Variants in PRELID2 observed in about 807,000 individuals in gnomAD.
PRELID2 encodes PRELI domain-containing protein 2.
PRELID2 carries 25 observed loss-of-function variants against 28.4 expected under a neutral mutation model. That is an observed-to-expected ratio of 0.88 (90% CI 0.64 to 1.23). The LOEUF (loss-of-function observed/expected upper bound fraction) is 1.23, where lower values mean the gene tolerates loss of function less well. Ranked by LOEUF, PRELID2 falls within the 50% of genes most tolerant of loss-of-function variation. The pLI is 0.00. For synonymous variants in PRELID2, 76 were observed against 71.6 expected (o/e 1.06, Z -0.31); for missense variants, 201 against 214.4 (o/e 0.94, Z 0.39).
intron 1 of PRELID2, among the ~76,000 whole-genome samples, chr5:145,741,120 T>A (rs1756706923): frequency 1.7e-5 from 2 of 116,906 alleles, no homozygotes; most frequent in Admixed American, 2.0e-4. Context: ...CATATAAATA[T>A]ATAATATATA....
intron 1 of PRELID2, among the ~76,000 whole-genome samples, chr5:145,586,841 A>G (rs1753159782): frequency 1.3e-5 from 2 of 152,192 alleles, no homozygotes; most frequent in Non-Finnish European, 2.9e-5. Flanking sequence ...ATAGATGGTT[A>G]TAAAGCCAGG....
chr5:145,810,447 T>C (rs1407254506), intron 4 of PRELID2, among the ~76,000 whole-genome samples: 1 of 152,214 alleles, frequency 6.6e-6, no homozygotes, highest in Non-Finnish European at 1.5e-5. Flanking sequence ...CCCTGAATAC[T>C]ATTCTTTCCA....
intron 1 of PRELID2, among the ~76,000 whole-genome samples, chr5:145,651,968 G>A (rs1002614598): frequency 2.0e-5 from 3 of 152,162 alleles, no homozygotes; most frequent in Non-Finnish European, 4.4e-5. Flanking sequence ...GCTAAAGGAG[G>A]AAGTTTGAAC....
At chr5:145,452,961 C>T in the PRELID2 span, among the ~76,000 whole-genome samples, 1 of 152,136 alleles carries the variant, frequency 6.6e-6, no homozygotes, top group Non-Finnish European at 1.5e-5. Flanking sequence ...GAATGAAGTA[C>T]AGCTATGAAG....
chr5:145,253,118 C>G, the PRELID2 span, among the ~76,000 whole-genome samples: 1 of 152,024 alleles, frequency 6.6e-6, no homozygotes, highest in Non-Finnish European at 1.5e-5. Context: ...AGTTGGCAAC[C>G]AACTTAGTAT....
At chr5:145,795,838 G>C (rs1263648191) in intron 5 of PRELID2, 2 of 152,208 alleles carry the variant, frequency 1.3e-5, no homozygotes, top group East Asian at 3.9e-4. Flanking sequence ...TACCATAGAG[G>C]ACAGATTAAA....
chr5:145,620,157 C>G (rs566350022), intron 1 of PRELID2, among the ~76,000 whole-genome samples: 1 of 152,112 alleles, frequency 6.6e-6, no homozygotes, highest in African/African-American at 2.4e-5. Context: ...TATTTGTAGT[C>G]GCCCTAAATT....
At chr5:145,648,987 G>C (rs1754242910) in intron 1 of PRELID2, among the ~76,000 whole-genome samples, 1 of 151,978 alleles carries the variant, frequency 6.6e-6, no homozygotes, top group Non-Finnish European at 1.5e-5. Context: ...ACCTATCAAA[G>C]CATTTTGTTT....
At chr5:145,741,227 TAATATATAATATA>T (rs1561567410) in intron 1 of PRELID2, among the ~76,000 whole-genome samples, 1 of 68,000 alleles carries the variant, frequency 1.5e-5, no homozygotes, top group Non-Finnish European at 2.7e-5. Flanking sequence ...AATATATATA[TAATATATAATATA>T]AATATATAAT....
At chr5:145,770,423 G>C (rs1025657040) in intron 5 of PRELID2, among the ~76,000 whole-genome samples, 10 of 152,094 alleles carry the variant, frequency 6.6e-5, no homozygotes, top group African/African-American at 2.2e-4. Context: ...AGGATCACTT[G>C]AGTTCAGGAG....
intron 1 of PRELID2, among the ~76,000 whole-genome samples, chr5:145,554,824 A>C (rs1349575391): frequency 6.6e-6 from 1 of 152,228 alleles, no homozygotes; most frequent in Non-Finnish European, 1.5e-5. Context: ...TTACATTTCC[A>C]GTTTCTGAAG....
At position 145,757,714 on chromosome 5, in the gene PRELID2, C is replaced by A. The variant is rs535219750; in HGVS notation, c.*2822G>T. Among the ~76,000 whole-genome samples, 45 of 151,042 alleles carry A rather than the reference C, an allele frequency of 3.0e-4. No individual in the cohort carries two copies. Among genetic ancestry groups the A allele is most frequent in the African/African-American group, 1.0e-3 (41 of 41,094 alleles). On this transcript the variant is annotated 3_prime_UTR_variant, in exon 7 of 7. Coordinates refer to ENST00000683046, the MANE Select transcript of PRELID2 (RefSeq NM_205846.3). ...CAGTGGCTCAAGCCTGTAATCCCAG[C>A]ACTTTGGGAGGCAGAGGCAGAGGCA...
At chr5:145,793,714 C>A (rs116249232) in intron 5 of PRELID2, among the ~76,000 whole-genome samples, 2,100 of 152,200 alleles carry the variant, frequency 0.014, 44 homozygotes, top group African/African-American at 0.048. Context: ...TCATCAGAAA[C>A]CAACTGTGAA....
the PRELID2 span, among the ~76,000 whole-genome samples, chr5:145,360,815 CTAT>C: frequency 6.6e-6 from 1 of 152,068 alleles, no homozygotes; most frequent in African/African-American, 2.4e-5. Context: ...CTTTATGATA[CTAT>C]TATAATAATT....
intron 1 of PRELID2, among the ~76,000 whole-genome samples, chr5:145,589,319 C>A (rs1186938706): frequency 6.6e-6 from 1 of 152,128 alleles, no homozygotes; most frequent in Non-Finnish European, 1.5e-5. Context: ...CTTACATGTT[C>A]AATTACTCTA....
the PRELID2 span, among the ~76,000 whole-genome samples, chr5:145,404,559 T>G: frequency 1.3e-5 from 2 of 152,216 alleles, no homozygotes; most frequent in Non-Finnish European, 1.5e-5. Context: ...TGACCAACAA[T>G]TATAATACAG....
Position 145,682,059 on chromosome 5 carries a change from GA to G in PRELID2, n.70+82871del, listed in dbSNP as rs956962007. ...ATTATTTTTAAAACCATAACTTGGA[GA>G]AAAAAAAAAGACCAACAAAGAATTG... On this transcript the variant is annotated intron_variant and non_coding_transcript_variant, in intron 1 of 2. Transcript: ENST00000510259. Among the ~76,000 whole-genome samples the G allele has an allele frequency of 1.0e-4, 15 of 147,084 alleles. No individual in the cohort carries two copies. The East Asian group carries it at 1.4e-3, about 14-fold the overall frequency.
intron 1 of PRELID2, among the ~76,000 whole-genome samples, chr5:145,724,402 C>T (rs1461334194): frequency 6.6e-6 from 1 of 151,150 alleles, no homozygotes; most frequent in Non-Finnish European, 1.5e-5. Context: ...ACAAAAGAGG[C>T]TTAAGCAGAA....
At chr5:145,375,644 T>C in the PRELID2 span, among the ~76,000 whole-genome samples, 2 of 152,074 alleles carry the variant, frequency 1.3e-5, no homozygotes, top group Non-Finnish European at 2.9e-5. Context: ...CCCAGGGAGA[T>C]CTGGGTTCTG....
Sources: allele counts gnomAD v4.1 joint callset (sites outside exome capture counted in the v4.1 genomes callset), GRCh38; gene constraint gnomAD v4.1.1; transcripts MANE v1.5; gene names NCBI Gene and HGNC (gene_info 2026-07-23, HGNC 2026-07-21).